The following FUT4 variants were observed in gnomAD, a reference collection of about 807,000 sequenced individuals.
The protein encoded by FUT4 is fucosyltransferase 4, also known as alpha-(1,3)-fucosyltransferase 4.
FUT4 carries 1 observed loss-of-function variant against 3.8 expected under a neutral mutation model. That is an observed-to-expected ratio of 0.26 (90% CI 0.09 to 1.25). FUT4 has a LOEUF of 1.25. Among genes scored for constraint, FUT4 ranks in the 50% most tolerant of loss-of-function variants. FUT4 has a pLI of 0.47. For synonymous variants in FUT4, 417 were observed against 355.3 expected (o/e 1.17, Z -1.95); for missense variants, 880 against 768.2 (o/e 1.15, Z -1.72).
Position 94,545,803 on chromosome 11 carries a change from C to T in FUT4, c.*77C>T, listed in dbSNP as rs1489682973. 4 of 1,498,756 alleles carry T rather than the reference C, an allele frequency of 2.7e-6. No homozygotes were observed. Among genetic ancestry groups the T allele is most frequent in the Middle Eastern group, 1.7e-4 (1 of 5,882 alleles). 92.8% of individuals were successfully genotyped at this position (1,498,756 alleles called of 1,614,324 possible). A position where few individuals can be genotyped will look rare whatever the true frequency, so the allele number is the denominator to read the frequency against. ...GATCCTCTACTGTGCATCTCCTTGA[C>T]TGCCGCATCATGGGAGTAAGTTCTT... is the stretch of plus-strand genomic sequence containing the variant. On this transcript the variant is annotated 3_prime_UTR_variant, in exon 1 of 1. Coordinates refer to ENST00000358752, the MANE Select transcript of FUT4 (RefSeq NM_002033.4).
In FUT4 at chr11:94,546,248, T is replaced by G; in HGVS notation, c.*522T>G. ...TTGTTGTTTGGATTCCTCACAGCCT[T>G]GGCTCCTGAGAAAGGTGAGGAGGGC... is the stretch of plus-strand genomic sequence containing the variant. On this transcript the variant is annotated 3_prime_UTR_variant, in exon 1 of 1. Transcript: ENST00000358752. 6.9e-6 allele frequency: 2 copies of G among 290,746 alleles called. No homozygotes were observed. The highest frequency in any genetic ancestry group is 7.6e-5 in the South Asian group (2 of 26,234). 18.0% of individuals were successfully genotyped at this position (290,746 alleles called of 1,614,324 possible).
Position 94,545,618 on chromosome 11 carries a change from C to T in FUT4, c.1485C>T (p.His495=), listed in dbSNP as rs777246164. ...ACTGGCGCCGGAGCTACGCTGTCCACATCACCTCCTTCTGGGACGAGCCTT... is the reference window on the plus strand; with the variant it reads ...ACTGGCGCCGGAGCTACGCTGTCCATATCACCTCCTTCTGGGACGAGCCTT... ...YFHWRRSYAV[H]ITSFWDEPWC... is the part of the protein sequence containing the mutation. Residue 495 remains histidine (H), a synonymous_variant, in exon 1 of 1, where the codon CAC becomes CAT. Transcript: ENST00000358752. The T allele has an allele frequency of 6.2e-7, 1 of 1,613,368 alleles. No individual in the cohort carries two copies. Among genetic ancestry groups the T allele is most frequent in the South Asian group, 1.1e-5 (1 of 91,086 alleles).
In FUT4 at chr11:94,549,280, A is replaced by T. The variant is rs146831979; in HGVS notation, c.*3554A>T. 8 of 167,236 alleles carry T rather than the reference A, an allele frequency of 4.8e-5. No homozygotes were observed. In the East Asian group the frequency reaches 1.5e-3, roughly 32 times the overall value. 10.4% of individuals were successfully genotyped at this position (167,236 alleles called of 1,614,324 possible). A position where few individuals can be genotyped will look rare whatever the true frequency, so the allele number is the denominator to read the frequency against. On this transcript the variant is annotated 3_prime_UTR_variant, in exon 1 of 1. Coordinates refer to ENST00000358752, the MANE Select transcript of FUT4 (RefSeq NM_002033.4). ...TCAGGATAGTGCCTGGCATGTAGGA[A>T]GCACCTGGAAAATATTCGCTGTGAT...
In FUT4 at chr11:94,545,364, C is replaced by T; in HGVS notation, c.1231C>T (p.Leu411=). Residue 411 remains leucine, a synonymous_variant, in exon 1 of 1, where the codon CTG becomes TTG. Transcript: ENST00000358752. ...CACAGTGGCCCGCTACAAGTTCTACCTGGCTTTCGAGAACTCGCAGCACCT... is the reference window on the plus strand; with the variant it reads ...CACAGTGGCCCGCTACAAGTTCTACTTGGCTTTCGAGAACTCGCAGCACCT... ...LHTVARYKFY[L]AFENSQHLDY... is the part of the protein sequence containing the mutation. The T allele has an allele frequency of 6.2e-7, 1 of 1,613,028 alleles. No homozygotes were observed.
Position 94,544,683 on chromosome 11 carries a change from A to G in FUT4, c.550A>G (p.Thr184Ala), listed in dbSNP as rs757985017. The change falls in exon 1 of 1, where the codon ACC becomes GCC. Residue 184 changes from threonine to alanine, a missense_variant. Thr to Ala is a moderately conservative substitution (Grantham distance 58). Transcript: ENST00000358752. ...GCCGCCGCTGCCCTGGGCGTCGCCA[A>G]CCCCGTCGCGACCGGTGGGCGTGCT... ...QLPPLPWASP[T>A]PSRPVGVLLW... 33 of 1,486,072 alleles carry G rather than the reference A, an allele frequency of 2.2e-5. No homozygotes were observed. In the African/African-American group the frequency reaches 4.6e-4, roughly 21 times the overall value. The allele number at this position is 1,486,072 out of a possible 1,614,324, so 92.1% of individuals were successfully genotyped here.
In FUT4 at chr11:94,547,029, C is replaced by T. The variant is rs1051529462; in HGVS notation, c.*1303C>T. The T allele has an allele frequency of 6.0e-6, 1 of 166,944 alleles. No homozygotes were observed. Among genetic ancestry groups the T allele is most frequent in the Non-Finnish European group, 1.5e-5 (1 of 68,118 alleles). 10.3% of individuals were successfully genotyped at this position (166,944 alleles called of 1,614,324 possible). On this transcript the variant is annotated 3_prime_UTR_variant, in exon 1 of 1. Transcript: ENST00000358752. ...TAGCATATCCTCACATTTCTAGTGC[C>T]CTTGAGACTGTGCTATGGAACCAAT...
At position 94,547,543 on chromosome 11, in the gene FUT4, G is replaced by A. The variant is rs1199778720; in HGVS notation, c.*1817G>A. ...ACTTGAAAAGCTCACTTAAATCTAG[G>A]TGCTTCAATTCACTTTCTTGAGAGG... On this transcript the variant is annotated 3_prime_UTR_variant, in exon 1 of 1. Transcript: ENST00000358752. 3 of 166,866 alleles carry A rather than the reference G, an allele frequency of 1.8e-5. No individual in the cohort carries two copies. The highest frequency in any genetic ancestry group is 2.1e-4 in the South Asian group (1 of 4,820). 10.3% of individuals were successfully genotyped at this position (166,866 alleles called of 1,614,324 possible).
rs911791183 is a variant in FUT4 at position 94,549,137 on chromosome 11, A to G, written c.*3411A>G. The G allele has an allele frequency of 2.4e-5, 4 of 167,030 alleles. No individual in the cohort carries two copies. The highest frequency in any genetic ancestry group is 9.6e-5 in the African/African-American group (4 of 41,468). The allele number at this position is 167,030 out of a possible 1,614,324, so 10.3% of individuals were successfully genotyped here. A position where few individuals can be genotyped will look rare whatever the true frequency, so the allele number is the denominator to read the frequency against. Reference sequence around the variant, plus strand: ...GTGCTATATAATTATAAGATGTTCTAAATTTTCAAGGATCTAAACCAGGGA... The same window carrying G: ...GTGCTATATAATTATAAGATGTTCTGAATTTTCAAGGATCTAAACCAGGGA... On this transcript the variant is annotated 3_prime_UTR_variant, in exon 1 of 1. Transcript: ENST00000358752.
chr11:94,545,968 AG>A lies in FUT4; in HGVS notation c.*246del. On this transcript the variant is annotated 3_prime_UTR_variant, in exon 1 of 1. Transcript: ENST00000358752. Reference sequence around the variant, plus strand: ...TTGCTGCTGATGGGCATCATTGTTTAGGGGTGAAGGAGGGGGTTCTTCCTCA... The same window carrying A: ...TTGCTGCTGATGGGCATCATTGTTTAGGGTGAAGGAGGGGGTTCTTCCTCA... The A allele has an allele frequency of 1.5e-6, 1 of 668,930 alleles. No homozygotes were observed. The highest frequency in any genetic ancestry group is 2.8e-6 in the Non-Finnish European group (1 of 357,424). The allele number at this position is 668,930 out of a possible 1,614,324, so 41.4% of individuals were successfully genotyped here.
Position 94,544,147 on chromosome 11 carries a change from GGGGCGCGGCCCGGAAGCCCTC to G in FUT4, c.23_43del (p.Ala8_Ala14del), listed in dbSNP as rs754902136. ...CAAGAGTAGCGGATGAGGCGCTTGT[GGGGCGCGGCCCGGAAGCCCTC>G]GGGCGCGGGCTGGGAGAAGGAGTGG... On this transcript the variant is annotated inframe_deletion, in exon 1 of 1. Transcript: ENST00000358752. 28 of 1,387,454 alleles carry G rather than the reference GGGGCGCGGCCCGGAAGCCCTC, an allele frequency of 2.0e-5. No homozygotes were observed. Among genetic ancestry groups the G allele is most frequent in the South Asian group, 1.3e-4 (8 of 59,350 alleles). The allele number at this position is 1,387,454 out of a possible 1,614,324, so 85.9% of individuals were successfully genotyped here.
chr11:94,545,112 T>C lies in FUT4; in HGVS notation c.979T>C (p.Phe327Leu). The part of the protein sequence containing the change: ...TLSYRADSDV[F>L]VPYGYLYPRS... ...CTCCTACCGGGCGGACTCGGACGTC[T>C]TTGTGCCTTATGGCTACCTCTACCC... Residue 327 changes from phenylalanine to leucine, a missense_variant, in exon 1 of 1, where the codon TTT becomes CTT. By Grantham distance (22) the Phe-to-Leu change is conservative (BLOSUM62 0). Around this residue, in one of 3 missense-constraint regions of FUT4, gnomAD observed 424 missense variants for 400.4 expected, o/e 1.06. Transcript: ENST00000358752. 1 of 1,612,680 alleles carries C rather than the reference T, an allele frequency of 6.2e-7. No homozygotes were observed. The highest frequency in any genetic ancestry group is 8.5e-7 in the Non-Finnish European group (1 of 1,179,858).
chr11:94,544,747 C>T lies in FUT4; in HGVS notation c.614C>T (p.Pro205Leu), dbSNP rs1244316725. 1.3e-6 allele frequency: 2 copies of T among 1,563,406 alleles called. No homozygotes were observed. Among genetic ancestry groups the T allele is most frequent in the South Asian group, 1.2e-5 (1 of 86,734 alleles). The stretch of plus-strand genomic sequence containing the variant: ...CCCTTCGGGGGGCGCGATAGCGCCC[C>T]GAGGCCGCCCCCTGACTGCCGGCTG... ...WEPFGGRDSAPRPPPDCRLRF... is the reference protein window; with the variant it reads ...WEPFGGRDSALRPPPDCRLRF... The change falls in exon 1 of 1, where the codon CCG (proline) becomes CTG (leucine). Residue 205 changes from proline to leucine, a missense_variant. By Grantham distance (98) the Pro-to-Leu change is moderately conservative. This residue lies in a region of FUT4 where 447 missense variants were observed against 339.5 expected (regional missense o/e 1.32). Coordinates refer to ENST00000358752, the MANE Select transcript of FUT4 (RefSeq NM_002033.4).
rs1470733730 is a variant in FUT4 at position 94,544,074 on chromosome 11, A to G, written c.-60A>G. ...GTTCGGGCCACAGTGAGCGAGGGCC[A>G]GGGCGGTGGGCGCGCGCAGAGGGAA... On this transcript the variant is annotated 5_prime_UTR_variant, in exon 1 of 1. Coordinates refer to ENST00000358752, the MANE Select transcript of FUT4 (RefSeq NM_002033.4). The G allele has an allele frequency of 2.9e-5, 40 of 1,361,250 alleles. No individual in the cohort carries two copies. The highest frequency in any genetic ancestry group is 4.0e-5 in the Admixed American group (1 of 24,820). The allele number at this position is 1,361,250 out of a possible 1,614,324, so 84.3% of individuals were successfully genotyped here. A position where few individuals can be genotyped will look rare whatever the true frequency, so the allele number is the denominator to read the frequency against.
chr11:94,547,890 T>C lies in FUT4; in HGVS notation c.*2164T>C, dbSNP rs1206958757. 2 of 167,046 alleles carry C rather than the reference T, an allele frequency of 1.2e-5. No homozygotes were observed. Among genetic ancestry groups the C allele is most frequent in the African/African-American group, 4.8e-5 (2 of 41,456 alleles). 10.3% of individuals were successfully genotyped at this position (167,046 alleles called of 1,614,324 possible). On this transcript the variant is annotated 3_prime_UTR_variant, in exon 1 of 1. Transcript: ENST00000358752. The stretch of plus-strand genomic sequence containing the variant: ...CTTCACAAGCTCATTTTGAGCACTT[T>C]AGGAAGTAAGTGAAAGTACCTAAAA...
chr11:94,545,069 C>G lies in FUT4; in HGVS notation c.936C>G (p.Asn312Lys), dbSNP rs149628035. ...HSPGLRSLAS[N>K]LFNWTLSYRA... is the part of the protein sequence containing the mutation. ...CGGGGCTGCGAAGCCTGGCAAGTAACCTCTTCAACTGGACGCTCTCCTACC... is the reference window on the plus strand; with the variant it reads ...CGGGGCTGCGAAGCCTGGCAAGTAAGCTCTTCAACTGGACGCTCTCCTACC... Residue 312 changes from asparagine to lysine, a missense_variant, in exon 1 of 1, where the codon AAC (asparagine) becomes AAG (lysine). Coordinates refer to ENST00000358752, the MANE Select transcript of FUT4 (RefSeq NM_002033.4). 2.5e-6 allele frequency: 4 copies of G among 1,612,640 alleles called. No individual in the cohort carries two copies. The highest frequency in any genetic ancestry group is 3.4e-6 in the Non-Finnish European group (4 of 1,179,740).
At position 94,547,982 on chromosome 11, in the gene FUT4, A is replaced by G. The variant is rs560396431; in HGVS notation, c.*2256A>G. 1 of 167,054 alleles carries G rather than the reference A, an allele frequency of 6.0e-6. No individual in the cohort carries two copies. The highest frequency in any genetic ancestry group is 1.9e-4 in the East Asian group (1 of 5,190). 10.3% of individuals were successfully genotyped at this position (167,054 alleles called of 1,614,324 possible). ...CTTGCAGTGATTTCAGGATGTCCTC[A>G]TATCTATTTATAGGTCTAAAATTAT... On this transcript the variant is annotated 3_prime_UTR_variant, in exon 1 of 1. Transcript: ENST00000358752.
rs1352596055 is a variant in FUT4, at chr11:94,549,643, T to C, written c.*3917T>C. 6.0e-6 allele frequency: 1 copy of C among 166,466 alleles called. No individual in the cohort carries two copies. Among genetic ancestry groups the C allele is most frequent in the Non-Finnish European group, 1.5e-5 (1 of 68,070 alleles). The allele number at this position is 166,466 out of a possible 1,614,324, so 10.3% of individuals were successfully genotyped here. ...AGAGAAAGAAAATATAATTTAACTTTAAAGATGTAAATTATATATATAGTA... is the reference window on the plus strand; with the variant it reads ...AGAGAAAGAAAATATAATTTAACTTCAAAGATGTAAATTATATATATAGTA... On this transcript the variant is annotated 3_prime_UTR_variant, in exon 1 of 1. Coordinates refer to ENST00000358752, the MANE Select transcript of FUT4 (RefSeq NM_002033.4).
Position 94,547,037 on chromosome 11 carries a change from C to G in FUT4, c.*1311C>G, listed in dbSNP as rs146724965. ...CCTCACATTTCTAGTGCCCTTGAGA[C>G]TGTGCTATGGAACCAATCTTGAACA... On this transcript the variant is annotated 3_prime_UTR_variant, in exon 1 of 1. Coordinates refer to ENST00000358752, the MANE Select transcript of FUT4 (RefSeq NM_002033.4). The G allele has an allele frequency of 1.8e-5, 3 of 167,216 alleles. No individual in the cohort carries two copies. The highest frequency in any genetic ancestry group is 7.2e-5 in the African/African-American group (3 of 41,564). 10.4% of individuals were successfully genotyped at this position (167,216 alleles called of 1,614,324 possible).
Position 94,546,955 on chromosome 11 carries a change from C to T in FUT4, c.*1229C>T, listed in dbSNP as rs1016397945. The T allele has an allele frequency of 1.3e-4, 21 of 167,130 alleles. No homozygotes were observed. Among genetic ancestry groups the T allele is most frequent in the African/African-American group, 5.1e-4 (21 of 41,454 alleles). The allele number at this position is 167,130 out of a possible 1,614,324, so 10.4% of individuals were successfully genotyped here. On this transcript the variant is annotated 3_prime_UTR_variant, in exon 1 of 1. Transcript: ENST00000358752. ...TGTCTCTTGTTAAAGGCTAAATCTG[C>T]GCTTCTCCCTGGTGCCAGCAGGTTC...
Sources: allele counts gnomAD v4.1 joint callset, GRCh38; gene constraint gnomAD v4.1.1; regional missense constraint gnomAD v4.1.1; transcripts MANE v1.5; gene names NCBI Gene and HGNC (gene_info 2026-07-23, HGNC 2026-07-21).